The following CEP63 variants were observed in gnomAD, a reference collection of about 807,000 sequenced individuals.
CEP63 encodes centrosomal protein of 63 kDa.
Under a neutral mutation model 89.1 loss-of-function variants are expected in CEP63, and 84 were observed. That is an observed-to-expected ratio of 0.94 (90% CI 0.79 to 1.13). CEP63 has a LOEUF of 1.13. CEP63 is among the 50% of genes most tolerant of loss of function. CEP63 has a pLI of 0.00. For synonymous variants in CEP63, 267 were observed against 272.5 expected, an observed-to-expected ratio of 0.98 and a Z score of 0.20; for missense variants, 838 against 813.3, an observed-to-expected ratio of 1.03 and a Z score of -0.37.
chr3:134,670,898 T>C, the CEP63 span, among the ~76,000 whole-genome samples: 1 of 152,210 alleles, frequency 6.6e-6, no homozygotes, highest in African/African-American at 2.4e-5. Context: ...CAAAACTGAA[T>C]GAATTAACTA....
chr3:134,583,648 G>A (rs990386075), intron 10 of CEP63, among the ~76,000 whole-genome samples: 10 of 152,106 alleles, frequency 6.6e-5, no homozygotes, highest in African/African-American at 2.4e-4. Context: ...GCTTAGGATT[G>A]TCTTGGCTAT....
chr3:134,663,272 C>A, the CEP63 span, among the ~76,000 whole-genome samples: 4 of 152,298 alleles, frequency 2.6e-5, no homozygotes, highest in Non-Finnish European at 5.9e-5. Context: ...TCTCTGAGGA[C>A]TATTGATTGA....
chr3:134,554,094 T>A (rs1955547799), intron 12 of CEP63, among the ~76,000 whole-genome samples: 3 of 152,224 alleles, frequency 2.0e-5, no homozygotes, highest in Admixed American at 2.0e-4. Flanking sequence ...TTTCCTTTTA[T>A]TATTATACTT....
At chr3:134,675,760 G>A in the CEP63 span, among the ~76,000 whole-genome samples, 5 of 152,276 alleles carry the variant, frequency 3.3e-5, no homozygotes, top group East Asian at 3.9e-4. Context: ...ACTAATGACC[G>A]GTAAGCACAT....
chr3:134,731,348 A>T, the CEP63 span, among the ~76,000 whole-genome samples: 1 of 152,230 alleles, frequency 6.6e-6, no homozygotes, highest in South Asian at 2.1e-4. Context: ...TATAAAAACT[A>T]ACCAAAAAAT....
At chr3:134,627,688 G>T in the CEP63 span, 1 of 1,413,760 alleles carries the variant, frequency 7.1e-7, no homozygotes, top group East Asian at 2.3e-5. Flanking sequence ...CTGTCAATTG[G>T]AGATTAGTCT....
the CEP63 span, among the ~76,000 whole-genome samples, chr3:134,733,598 G>T: frequency 6.6e-6 from 1 of 152,120 alleles, no homozygotes; most frequent in Admixed American, 6.6e-5. Flanking sequence ...AAAAAGGAGA[G>T]GCACAGAGAC....
intron 3 of CEP63, among the ~76,000 whole-genome samples, chr3:134,528,520 C>T (rs1246189685): frequency 6.6e-6 from 1 of 151,198 alleles, no homozygotes; most frequent in Admixed American, 6.6e-5. Context: ...TGATAGAGGG[C>T]CAAAAGGCCA....
At chr3:134,760,029 C>G in the CEP63 span, among the ~76,000 whole-genome samples, 3 of 149,472 alleles carry the variant, frequency 2.0e-5, no homozygotes, top group Non-Finnish European at 3.0e-5. Flanking sequence ...AAATATTCGT[C>G]TGTGTCATCA....
At chr3:134,700,282 C>T in the CEP63 span, among the ~76,000 whole-genome samples, 1,584 of 152,336 alleles carry the variant, frequency 0.01, 58 homozygotes, top group Admixed American at 0.059. Context: ...TGGCGCTCAA[C>T]AGCTCTCCCC....
At chr3:134,677,482 A>G in the CEP63 span, among the ~76,000 whole-genome samples, 1 of 152,082 alleles carries the variant, frequency 6.6e-6, no homozygotes, top group African/African-American at 2.4e-5. Flanking sequence ...CTTGTCCCAC[A>G]GGGTTGGTGC....
chr3:134,718,477 T>C, the CEP63 span, among the ~76,000 whole-genome samples: 1 of 152,240 alleles, frequency 6.6e-6, no homozygotes, highest in East Asian at 1.9e-4. Context: ...TAAATTATTA[T>C]AATTTTATTG....
At chr3:134,570,051 T>A (rs548146361) in intron 11 of CEP63, among the ~76,000 whole-genome samples, 2 of 152,096 alleles carry the variant, frequency 1.3e-5, no homozygotes, top group South Asian at 4.1e-4. Context: ...GGGCACCAAG[T>A]TCCTAGGCTG....
At chr3:134,756,446 C>G in the CEP63 span, among the ~76,000 whole-genome samples, 2 of 152,194 alleles carry the variant, frequency 1.3e-5, no homozygotes, top group African/African-American at 2.4e-5. Context: ...TGGGCTTAAG[C>G]GATTCTCCCA....
At chr3:134,557,388 T>TG (rs1278475254) in intron 12 of CEP63, among the ~76,000 whole-genome samples, 2 of 136,992 alleles carry the variant, frequency 1.5e-5, no homozygotes, top group African/African-American at 2.7e-5. Flanking sequence ...TTTTTTTTTT[T>TG]TTTTTTTTTT....
the CEP63 span, among the ~76,000 whole-genome samples, chr3:134,749,654 C>T: frequency 1.1e-4 from 14 of 125,660 alleles, no homozygotes; most frequent in East Asian, 2.9e-3. Flanking sequence ...CTCCCCACCG[C>T]TTTGCAACTT....
chr3:134,735,000 T>C, the CEP63 span, among the ~76,000 whole-genome samples: 6 of 152,148 alleles, frequency 3.9e-5, no homozygotes, highest in African/African-American at 1.2e-4. Flanking sequence ...ACCTACCTTA[T>C]CTGCAACTTT....
exon 11 of CEP63, among the ~76,000 whole-genome samples, chr3:134,587,565 G>T (rs538609781): frequency 6.6e-6 from 1 of 152,096 alleles, no homozygotes; most frequent in Non-Finnish European, 1.5e-5. Context: ...TCCTTCCCCC[G>T]GAAGCTTCAT....
At chr3:134,594,661 G>A in the CEP63 span, among the ~76,000 whole-genome samples, 56 of 152,326 alleles carry the variant, frequency 3.7e-4, no homozygotes, top group Admixed American at 3.0e-3. Context: ...TCCTAGTTGA[G>A]CAAAAGAAGG....
Sources: gnomAD v4.1 joint callset for allele counts (sites outside exome capture counted in the v4.1 genomes callset) on GRCh38, gnomAD v4.1.1 for gene constraint, MANE v1.5 for transcripts, NCBI Gene and HGNC (gene_info 2026-07-23, HGNC 2026-07-21) for gene names.